The following PASK variants were observed in gnomAD, a reference collection of about 807,000 sequenced individuals.
PASK encodes PAS domain containing serine/threonine kinase.
A neutral mutation model predicts 121.0 loss-of-function variants in PASK; 110 were observed. The ratio of observed to expected loss-of-function variants is 0.91; its 90% CI spans 0.78 to 1.06. PASK has a LOEUF of 1.06. Among genes scored for constraint, PASK ranks in the 50% least tolerant of loss-of-function variants. PASK has a pLI of 0.00. For missense variants in PASK, 1,643 were observed against 1,702.3 expected, an observed-to-expected ratio of 0.97 and a Z score of 0.61; for synonymous variants, 686 against 717.8, an observed-to-expected ratio of 0.96 and a Z score of 0.71.
At chr2:241,141,949 C>T (rs2066718859) in intron 2 of PASK, among the ~76,000 whole-genome samples, 1 of 152,166 alleles carries the variant, frequency 6.6e-6, no homozygotes, top group East Asian at 1.9e-4. Flanking sequence ...GGCTCCCACC[C>T]CTGCTCCTCA....
In PASK at chr2:241,123,850, G is replaced by A. The variant is rs572285461; in HGVS notation, c.2904+99C>T. The A allele has an allele frequency of 1.2e-5, 11 of 941,938 alleles. No homozygotes were observed. The South Asian group carries it at 1.2e-4, about 10-fold the overall frequency. 58.3% of individuals were successfully genotyped at this position (941,938 alleles called of 1,614,324 possible). A position where few individuals can be genotyped will look rare whatever the true frequency, so the allele number is the denominator to read the frequency against. Reference sequence around the variant, plus strand: ...AAAAAAAAAAAGCTACAAACAGACTGTATTCCCGTCCCCAAGGAAACAGAG... The same window carrying A: ...AAAAAAAAAAAGCTACAAACAGACTATATTCCCGTCCCCAAGGAAACAGAG... On this transcript the variant is annotated intron_variant, in intron 11 of 17. Transcript: ENST00000234040.
intron 10 of PASK, 97 bp from the exon 11 acceptor site, chr2:241,124,230 C>T: frequency 1.1e-6 from 1 of 949,484 alleles, no homozygotes; most frequent in Middle Eastern, 2.4e-4. Flanking sequence ...TGCAACAGTC[C>T]AATCCCCAGC....
rs773573059 is a variant in PASK, at chr2:241,138,692, C to T, written c.703G>A (p.Val235Met). Residue 235 changes from valine to methionine, a missense_variant, in exon 5 of 18, where the codon GTG becomes ATG. Val to Met is a conservative substitution (Grantham distance 21). This residue lies in a region of PASK where 1,176 missense variants were observed against 1,162.2 expected (regional missense o/e 1.01). Coordinates refer to ENST00000234040, the MANE Select transcript of PASK (RefSeq NM_015148.4). ...RLCCVVVLEP[V>M]ERVSTWVAFQ... ...GCGACCCAGGTCGAGACCCTCTCCA[C>T]GGGCTCCAGGACCACCACGCAGCAT... The T allele has an allele frequency of 1.1e-5, 17 of 1,614,134 alleles. 1 individual carries two copies. The highest frequency in any genetic ancestry group is 2.2e-5 in the East Asian group (1 of 44,890).
chr2:241,137,934 G>A lies in PASK; in HGVS notation c.876+19C>T, dbSNP rs773620003. On this transcript the variant is annotated intron_variant, in intron 6 of 17. Transcript: ENST00000234040. ...AGAACTCCACCCCATCACACAGTGC[G>A]GGAGGTCAGGAGCCCTACCTTTGGG... 7.2e-5 allele frequency: 116 copies of A among 1,613,466 alleles called. No homozygotes were observed. In the East Asian group the frequency reaches 1.0e-3, roughly 14 times the overall value.
intron 12 of PASK, chr2:241,118,866 C>A: frequency 1.1e-6 from 1 of 935,424 alleles, no homozygotes; most frequent in South Asian, 4.7e-5. Flanking sequence ...CATGATGGGG[C>A]ACTTCCCGCA....
chr2:241,114,432 G>A, intron 14 of PASK: 1 of 993,974 alleles, frequency 1.0e-6, no homozygotes, highest in Non-Finnish European at 1.2e-6. Context: ...AGCAGTACAG[G>A]ATGGAACCGC....
intron 8 of PASK, chr2:241,133,978 G>A (rs1239986747): frequency 1.9e-5 from 2 of 104,688 alleles, no homozygotes; most frequent in African/African-American, 6.7e-5. Context: ...GCGAAACTCT[G>A]TCTCAAAAAA....
chr2:241,113,570 C>T lies in PASK; in HGVS notation c.3334-1131G>A, dbSNP rs144942150. 2.0e-3 allele frequency: 458 copies of T among 230,744 alleles called. 2 individuals are homozygous for T. The highest frequency in any genetic ancestry group is 3.9e-3 in the Admixed American group (60 of 15,384). 14.3% of individuals were successfully genotyped at this position (230,744 alleles called of 1,614,324 possible). ...ACAAGCATGCATGCATACATACTTA[C>T]ATATATATGTAGATATATACAAATC... On this transcript the variant is annotated intron_variant, in intron 14 of 17. Coordinates refer to ENST00000234040, the MANE Select transcript of PASK (RefSeq NM_015148.4).
At chr2:241,107,877 T>C (rs752823980) in intron 16 of PASK, among the ~76,000 whole-genome samples, 10 of 151,926 alleles carry the variant, frequency 6.6e-5, no homozygotes, top group Non-Finnish European at 1.3e-4. Flanking sequence ...CGGGCCCCAG[T>C]TCCTTTAACC....
At chr2:241,142,262 G>A (rs2066734688) in intron 2 of PASK, among the ~76,000 whole-genome samples, 1 of 152,084 alleles carries the variant, frequency 6.6e-6, no homozygotes, top group African/African-American at 2.4e-5. Flanking sequence ...CATTTTCCAG[G>A]TCTACCCCAA....
chr2:241,107,535 T>C (rs373611105), intron 16 of PASK, 36 bp from the exon 17 acceptor site: 91 of 1,608,584 alleles, frequency 5.7e-5, no homozygotes, highest in South Asian at 3.7e-4. Flanking sequence ...TAGGTCCAGA[T>C]TGGGATGAAG....
At chr2:241,107,872 C>T (rs2064951962) in intron 16 of PASK, among the ~76,000 whole-genome samples, 2 of 152,014 alleles carry the variant, frequency 1.3e-5, no homozygotes, top group Admixed American at 1.3e-4. Context: ...GGATTCGGGC[C>T]CCAGTTCCTT....
intron 4 of PASK, 55 bp downstream of exon 4, chr2:241,139,830 G>C: frequency 6.4e-7 from 1 of 1,554,002 alleles, no homozygotes; most frequent in Non-Finnish European, 8.9e-7. Flanking sequence ...AGCTGTTCCT[G>C]CCACACACTG....
At position 241,141,386 on chromosome 2, in the gene PASK, C is replaced by T. The variant is rs113173414; in HGVS notation, c.197-633G>A. Among the ~76,000 whole-genome samples the T allele has an allele frequency of 3.2e-3, 480 of 152,284 alleles. 6 individuals carry two copies. Among genetic ancestry groups the T allele is most frequent in the African/African-American group, 7.0e-3 (292 of 41,556 alleles). On this transcript the variant is annotated intron_variant, in intron 2 of 17. Coordinates refer to ENST00000234040, the MANE Select transcript of PASK (RefSeq NM_015148.4). Reference sequence around the variant, plus strand: ...CCCATGGCCACTCCGGTGGCTGCCCCGTCACCTCCTCCTTGGAAGCGTTCC... The same window carrying T: ...CCCATGGCCACTCCGGTGGCTGCCCTGTCACCTCCTCCTTGGAAGCGTTCC...
At chr2:241,136,159 T>A in intron 7 of PASK, 120 bp from the exon 8 acceptor site, 1 of 909,114 alleles carries the variant, frequency 1.1e-6, no homozygotes, top group Non-Finnish European at 1.8e-6. Flanking sequence ...ACCCTTAAGG[T>A]CAGGAAAGGC....
chr2:241,128,732 G>A (rs2065987690), intron 9 of PASK, among the ~76,000 whole-genome samples: 1 of 152,102 alleles, frequency 6.6e-6, no homozygotes, highest in South Asian at 2.1e-4. Flanking sequence ...CCAGCGTGGT[G>A]ACACACACCT....
At chr2:241,149,105 G>C (rs906118051) in intron 1 of PASK, among the ~76,000 whole-genome samples, 1 of 152,010 alleles carries the variant, frequency 6.6e-6, no homozygotes, top group African/African-American at 2.4e-5. Context: ...GCAGGGTCCC[G>C]AGGCGACCCG....
chr2:241,149,826 G>A (rs2067200475), upstream of PASK: 9 of 1,514,362 alleles, frequency 5.9e-6, no homozygotes, highest in African/African-American at 2.8e-5. Context: ...CGTCCGCACT[G>A]GGCTGGGAAC....
Position 241,143,052 on chromosome 2 carries a change from T to C in PASK, c.-20A>G, listed in dbSNP as rs1428943661. The C allele has an allele frequency of 1.3e-5, 20 of 1,592,208 alleles. No individual in the cohort carries two copies. The highest frequency in any genetic ancestry group is 1.7e-5 in the Non-Finnish European group (20 of 1,160,552). ...CTCCATGGGAAGAAGGGAGGCCAAC[T>C]GCCAAGCTTCCAACTCTAACAACTA... is the stretch of plus-strand genomic sequence containing the variant. On this transcript the variant is annotated 5_prime_UTR_variant, in exon 2 of 18. Coordinates refer to ENST00000234040, the MANE Select transcript of PASK (RefSeq NM_015148.4).
Sources: allele counts gnomAD v4.1 joint callset (sites outside exome capture counted in the v4.1 genomes callset), GRCh38; gene constraint gnomAD v4.1.1; regional missense constraint gnomAD v4.1.1; transcripts MANE v1.5; gene names NCBI Gene and HGNC (gene_info 2026-07-23, HGNC 2026-07-21).